Variants in CACNA1D observed in about 807,000 individuals in gnomAD.
The protein encoded by CACNA1D is voltage-dependent L-type calcium channel subunit alpha-1D.
CACNA1D carries 55 observed loss-of-function variants against 257.1 expected under a neutral mutation model. The observed-to-expected ratio is 0.21, with a 90% CI of 0.17 to 0.27. The LOEUF (loss-of-function observed/expected upper bound fraction) is 0.27, where lower values mean the gene tolerates loss of function less well. Ranked by LOEUF, CACNA1D falls within the 10% of genes least tolerant of loss-of-function variation. The pLI is 1.00. For missense variants in CACNA1D, 1,876 were observed against 2,784.0 expected (o/e 0.67, Z 7.34); for synonymous variants, 980 against 1,014.9 (o/e 0.97, Z 0.65).
intron 3 of CACNA1D, among the ~76,000 whole-genome samples, chr3:53,594,889 CCTTGAGA>C (rs2093351792): frequency 6.6e-6 from 1 of 152,170 alleles, no homozygotes; most frequent in Non-Finnish European, 1.5e-5. Context: ...AAATAAAGTC[CCTTGAGA>C]CTTGCAGATT....
intron 3 of CACNA1D, among the ~76,000 whole-genome samples, chr3:53,603,762 T>G (rs2093473927): frequency 6.6e-6 from 1 of 152,228 alleles, no homozygotes; most frequent in Non-Finnish European, 1.5e-5. Context: ...TGAATACCCC[T>G]GGGGAACTTC....
chr3:53,745,150 G>C (rs1025122977), intron 23 of CACNA1D, among the ~76,000 whole-genome samples: 8 of 151,750 alleles, frequency 5.3e-5, no homozygotes, highest in African/African-American at 1.9e-4. Context: ...CTGTATAAAA[G>C]GCTACTGGGT....
intron 1 of CACNA1D, among the ~76,000 whole-genome samples, chr3:53,496,415 T>G (rs2090349149): frequency 6.6e-6 from 1 of 152,234 alleles, no homozygotes; most frequent in Non-Finnish European, 1.5e-5. Context: ...GCAGGCTGAC[T>G]GCCTTGTCTG....
chr3:53,503,181 T>C (rs942720950), intron 3 of CACNA1D, among the ~76,000 whole-genome samples: 3 of 152,242 alleles, frequency 2.0e-5, no homozygotes, highest in Non-Finnish European at 4.4e-5. Flanking sequence ...TAGAGAATTT[T>C]CTAAAAATTT....
chr3:53,786,726 ACT>A, intron 39 of CACNA1D, 94 bp from the exon 40 acceptor site: 4 of 198,996 alleles, frequency 2.0e-5, no homozygotes, highest in Admixed American at 5.7e-5. Flanking sequence ...CACCCGCCCC[ACT>A]CTGCCCCTGC....
In CACNA1D at chr3:53,749,292, G is replaced by A. The variant is rs561753004; in HGVS notation, c.3339G>A (p.Ser1113=). 9.3e-6 allele frequency: 15 copies of A among 1,613,912 alleles called. No individual in the cohort carries two copies. The highest frequency in any genetic ancestry group is 4.0e-5 in the African/African-American group (3 of 75,022). ...GGTTGCTGTATAAAGCCATCGACTC[G>A]AATGGAGAGAACATCGGCCCAATCT... The part of the protein sequence containing the change: ...WPALLYKAID[S]NGENIGPIYN... Residue 1113 remains serine, a synonymous_variant, in exon 27 of 48, where the codon TCG becomes TCA. Coordinates refer to ENST00000350061, the MANE Select transcript of CACNA1D (RefSeq NM_001128840.3).
chr3:53,600,382 A>G (rs1479545956), intron 3 of CACNA1D, among the ~76,000 whole-genome samples: 2 of 152,150 alleles, frequency 1.3e-5, no homozygotes, highest in African/African-American at 2.4e-5. Flanking sequence ...CTGATCTGGT[A>G]TTTGGGCTGT....
intron 5 of CACNA1D, 21 bp from the exon 6 acceptor site, chr3:53,665,639 A>T (rs745755946): frequency 3.8e-6 from 6 of 1,578,106 alleles, no homozygotes; most frequent in East Asian, 2.3e-5. Context: ...TCACAAACTT[A>T]TTTTTTTTTG....
At chr3:53,636,250 T>C (rs1464608711) in intron 3 of CACNA1D, among the ~76,000 whole-genome samples, 1 of 152,156 alleles carries the variant, frequency 6.6e-6, no homozygotes. Context: ...AATAAATACA[T>C]TGTAACTCTC....
At chr3:53,503,198 T>C (rs933142229) in intron 3 of CACNA1D, among the ~76,000 whole-genome samples, 1 of 152,250 alleles carries the variant, frequency 6.6e-6, no homozygotes, top group Non-Finnish European at 1.5e-5. Flanking sequence ...ATTTTGGGAA[T>C]TGATGCTGAA....
chr3:53,689,838 T>G (rs924881267), intron 8 of CACNA1D, among the ~76,000 whole-genome samples: 5 of 152,196 alleles, frequency 3.3e-5, no homozygotes, highest in African/African-American at 9.6e-5. Flanking sequence ...TTAAAACTAT[T>G]TTTTGTAGAA....
intron 40 of CACNA1D, among the ~76,000 whole-genome samples, chr3:53,794,267 T>G (rs896860544): frequency 4.6e-5 from 7 of 152,330 alleles, no homozygotes; most frequent in Admixed American, 3.3e-4. Context: ...AATTGTGTCA[T>G]GATTAGATGA....
Position 53,650,870 on chromosome 3 carries a change from A to G in CACNA1D, c.575A>G (p.Tyr192Cys). ...AYGLLLHPNA[Y>C]VRNGWNLLDF... ...GGATTATTGCTACATCCTAATGCTTATGTTAGGAATGGATGGAATTTACTG... is the reference window on the plus strand; with the variant it reads ...GGATTATTGCTACATCCTAATGCTTGTGTTAGGAATGGATGGAATTTACTG... Residue 192 changes from tyrosine to cysteine, a missense_variant, in exon 4 of 48, where the codon TAT becomes TGT. Tyr to Cys is a radical substitution (Grantham distance 194). This residue lies in a region of CACNA1D where 188 missense variants were observed against 390.4 expected (regional missense o/e 0.48). Coordinates refer to ENST00000350061, the MANE Select transcript of CACNA1D (RefSeq NM_001128840.3). 1 of 1,605,374 alleles carries G rather than the reference A, an allele frequency of 6.2e-7. No homozygotes were observed.
chr3:53,800,038 G>A lies in CACNA1D; in HGVS notation c.4924-211G>A. The A allele has an allele frequency of 3.1e-6, 2 of 652,534 alleles. No homozygotes were observed. Among genetic ancestry groups the A allele is most frequent in the East Asian group, 2.6e-5 (1 of 38,944 alleles). 40.4% of individuals were successfully genotyped at this position (652,534 alleles called of 1,614,324 possible). On this transcript the variant is annotated intron_variant, in intron 40 of 47. Coordinates refer to ENST00000350061, the MANE Select transcript of CACNA1D (RefSeq NM_001128840.3). This position sits in a 1 kb window ranked among gnomAD's most constrained non-coding sequence, Gnocchi z 4.3. ...GAGGTTACGGGGTTGCAGGCCTCAG[G>A]CATCCTACCTAGGACCTTCTTGACC...
chr3:53,673,952 T>C lies in CACNA1D; in HGVS notation c.1220+826T>C. On this transcript the variant is annotated intron_variant, in intron 8 of 47. Coordinates refer to ENST00000350061, the MANE Select transcript of CACNA1D (RefSeq NM_001128840.3). This position sits in a 1 kb window ranked among gnomAD's most constrained non-coding sequence, Gnocchi z 4.1. Reference sequence around the variant, plus strand: ...GTCCTCTCAGTGTGTTGCTTTTGGATTGAACTGTGATTCTTTCTGCCTGTA... The same window carrying C: ...GTCCTCTCAGTGTGTTGCTTTTGGACTGAACTGTGATTCTTTCTGCCTGTA... 1 of 726,654 alleles carries C rather than the reference T, an allele frequency of 1.4e-6. No homozygotes were observed. 45.0% of individuals were successfully genotyped at this position (726,654 alleles called of 1,614,324 possible). A position where few individuals can be genotyped will look rare whatever the true frequency, so the allele number is the denominator to read the frequency against.
intron 3 of CACNA1D, among the ~76,000 whole-genome samples, chr3:53,639,675 C>T (rs1370175923): frequency 3.3e-5 from 5 of 151,574 alleles, no homozygotes; most frequent in Admixed American, 1.3e-4. Context: ...TGTGAGCCAC[C>T]GCGCCCGGCT....
At chr3:53,766,662 G>A (rs893281251) in intron 30 of CACNA1D, among the ~76,000 whole-genome samples, 2 of 152,298 alleles carry the variant, frequency 1.3e-5, no homozygotes, top group Middle Eastern at 3.4e-3. Context: ...GAAGAGGCTC[G>A]AGGGAACATC....
intron 40 of CACNA1D, among the ~76,000 whole-genome samples, chr3:53,795,695 A>T (rs1009082465): frequency 2.0e-5 from 3 of 152,240 alleles, no homozygotes; most frequent in Admixed American, 6.5e-5. Context: ...GAAACTGGCA[A>T]GACTTTTTTT....
chr3:53,771,305 A>G (rs527295250), intron 32 of CACNA1D, among the ~76,000 whole-genome samples: 47 of 152,346 alleles, frequency 3.1e-4, no homozygotes, highest in African/African-American at 1.1e-3. Context: ...CATTTTTTAA[A>G]TTATTTGACT....
Sources: gnomAD v4.1 joint callset for allele counts (sites outside exome capture counted in the v4.1 genomes callset) on GRCh38, gnomAD v4.1.1 for gene constraint, gnomAD v4.1.1 regional missense constraint, Gnocchi (gnomAD v3.1) non-coding constraint, MANE v1.5 for transcripts, NCBI Gene and HGNC (gene_info 2026-07-23, HGNC 2026-07-21) for gene names.